LSAMP: variants seen among roughly 807,000 people sequenced by gnomAD.
LSAMP encodes the protein limbic system associated membrane protein.
A neutral mutation model predicts 38.6 loss-of-function variants in LSAMP; 7 were observed. The observed-to-expected ratio is 0.18, with a 90% CI of 0.10 to 0.34. The LOEUF (loss-of-function observed/expected upper bound fraction) is 0.34. Among genes scored for constraint, LSAMP ranks in the 10% least tolerant of loss-of-function variants. LSAMP has a pLI of 1.00. For missense variants in LSAMP, 313 were observed against 420.0 expected (o/e 0.75, Z 2.23); for synonymous variants, 154 against 166.8 (o/e 0.92, Z 0.59).
At chr3:116,212,785 A>G (rs771533029) in intron 1 of LSAMP, among the ~76,000 whole-genome samples, 1 of 152,178 alleles carries the variant, frequency 6.6e-6, no homozygotes, top group Non-Finnish European at 1.5e-5. Flanking sequence ...TTACTTTCAT[A>G]TGTACATAGG....
rs559497556 is a variant in LSAMP at position 116,180,132 on chromosome 3, T to C, written c.156-93576A>G. On this transcript the variant is annotated intron_variant, in intron 1 of 6. Coordinates refer to ENST00000490035, the MANE Select transcript of LSAMP (RefSeq NM_002338.5). ...TTAGTCTCCAGAATGGCAGAGGTAA[T>C]ATGTACAATGAATATATGTCAGGTG... is the stretch of plus-strand genomic sequence containing the variant. Among the ~76,000 whole-genome samples the C allele has an allele frequency of 4.9e-4, 74 of 152,302 alleles. No individual in the cohort carries two copies. The South Asian group carries it at 0.015, about 30-fold the overall frequency.
chr3:115,903,982 C>T (rs1287798098), intron 3 of LSAMP, among the ~76,000 whole-genome samples: 1 of 152,062 alleles, frequency 6.6e-6, no homozygotes, highest in East Asian at 1.9e-4. Flanking sequence ...AGATAAATGA[C>T]ACATTACTGC....
intron 1 of LSAMP, among the ~76,000 whole-genome samples, chr3:116,384,032 T>C (rs2048594160): frequency 6.6e-6 from 1 of 152,108 alleles, no homozygotes; most frequent in African/African-American, 2.4e-5. Context: ...TAAAGGGACT[T>C]TGTTAAACAA....
intron 3 of LSAMP, among the ~76,000 whole-genome samples, chr3:115,908,976 A>G (rs1937076000): frequency 6.6e-6 from 1 of 152,158 alleles, no homozygotes; most frequent in Admixed American, 6.5e-5. Flanking sequence ...TCCCATGATC[A>G]TGTACTTAAA....
chr3:115,949,364 C>G lies in LSAMP; in HGVS notation c.514+70151G>C, dbSNP rs191228919. ...TTGGTTAATCTCACTAATGGTCTAT[C>G]AATTTTGTTTATCTCTTAAAAATAG... On this transcript the variant is annotated intron_variant, in intron 3 of 6. Coordinates refer to ENST00000490035, the MANE Select transcript of LSAMP (RefSeq NM_002338.5). Among the ~76,000 whole-genome samples, 15 of 152,006 alleles carry G rather than the reference C, an allele frequency of 9.9e-5. No homozygotes were observed. In the South Asian group the frequency reaches 1.2e-3, roughly 13 times the overall value.
At chr3:116,413,913 A>AT (rs61576008) in intron 1 of LSAMP, among the ~76,000 whole-genome samples, 1 of 151,256 alleles carries the variant, frequency 6.6e-6, no homozygotes, top group Non-Finnish European at 1.5e-5. Flanking sequence ...AAAAAAAAAA[A>AT]CAAACCAAAA....
intron 1 of LSAMP, among the ~76,000 whole-genome samples, chr3:116,350,479 G>A (rs1184953848): frequency 6.6e-6 from 1 of 152,024 alleles, no homozygotes; most frequent in Non-Finnish European, 1.5e-5. Flanking sequence ...TCTGAGTATG[G>A]TGATAAAATC....
chr3:116,294,089 C>A (rs527803311), intron 1 of LSAMP, among the ~76,000 whole-genome samples: 2 of 151,936 alleles, frequency 1.3e-5, no homozygotes, highest in Non-Finnish European at 2.9e-5. Context: ...TGATGATGAT[C>A]ATCATCACTT....
intron 1 of LSAMP, among the ~76,000 whole-genome samples, chr3:116,430,748 G>T (rs960575860): frequency 6.6e-6 from 1 of 151,888 alleles, no homozygotes; most frequent in African/African-American, 2.4e-5. Context: ...ATCAATGTTT[G>T]CAGAGCTGGT....
intron 1 of LSAMP, among the ~76,000 whole-genome samples, chr3:116,249,459 C>T (rs530157893): frequency 5.3e-5 from 8 of 151,828 alleles, no homozygotes; most frequent in African/African-American, 4.8e-5. Flanking sequence ...AATCTCAGCT[C>T]GCTACAACCT....
intron 1 of LSAMP, among the ~76,000 whole-genome samples, chr3:116,356,832 G>C (rs1480538943): frequency 4.6e-5 from 7 of 151,736 alleles, no homozygotes; most frequent in Non-Finnish European, 8.8e-5. Flanking sequence ...CTCGCTCTGT[G>C]GCCCAGGCTG....
At chr3:116,151,785 T>G (rs1007839031) in intron 1 of LSAMP, among the ~76,000 whole-genome samples, 1 of 151,998 alleles carries the variant, frequency 6.6e-6, no homozygotes, top group Non-Finnish European at 1.5e-5. Context: ...TATAATGCAG[T>G]CCATAGAACC....
chr3:116,337,229 T>A (rs1330133361), intron 1 of LSAMP, among the ~76,000 whole-genome samples: 1 of 151,962 alleles, frequency 6.6e-6, no homozygotes, highest in Non-Finnish European at 1.5e-5. Context: ...TATAAAAAAA[T>A]GTTACAGAGA....
chr3:115,996,134 A>T (rs532551550), intron 3 of LSAMP, among the ~76,000 whole-genome samples: 107 of 152,182 alleles, frequency 7.0e-4, no homozygotes, highest in African/African-American at 2.5e-3. Context: ...ACTGATTAAA[A>T]TTTTTTCCTA....
Position 115,869,269 on chromosome 3 carries a change from G to GGAGAGAGAGAGAGAGAGAGAGAGAGAGA in LSAMP, c.515-16680_515-16653dup, listed in dbSNP as rs35112915. ...CCTTCATAACCTCTATCTTGGAGGG[G>GGAGAGAGAGAGAGAGAGAGAGAGAGAGA]GAGAGAGAGAGAGAGAGAGAGAGAG... On this transcript the variant is annotated intron_variant, in intron 3 of 6. Coordinates refer to ENST00000490035, the MANE Select transcript of LSAMP (RefSeq NM_002338.5). Among the ~76,000 whole-genome samples, 192 of 128,422 alleles carry GGAGAGAGAGAGAGAGAGAGAGAGAGAGA rather than the reference G, an allele frequency of 1.5e-3. 2 individuals are homozygous for GGAGAGAGAGAGAGAGAGAGAGAGAGAGA. The highest frequency in any genetic ancestry group is 2.5e-3 in the Admixed American group (28 of 11,134). The allele number at this position is 128,422 out of a possible 152,430, so 84.2% of individuals were successfully genotyped here.
intron 1 of LSAMP, among the ~76,000 whole-genome samples, chr3:116,159,729 T>C (rs891004161): frequency 6.6e-6 from 1 of 152,254 alleles, no homozygotes; most frequent in Admixed American, 6.5e-5. Flanking sequence ...TTATTGGATA[T>C]ACACATAAAG....
chr3:116,234,772 T>G (rs9811675), intron 1 of LSAMP, among the ~76,000 whole-genome samples: 109,377 of 152,000 alleles, frequency 0.72, 40,848 homozygotes, highest in South Asian at 0.84. Flanking sequence ...TGTTGCTAAT[T>G]GAAACAGCTA....
chr3:115,858,166 A>T (rs28757787), intron 3 of LSAMP, among the ~76,000 whole-genome samples: 28,687 of 143,284 alleles, frequency 0.2, 3,224 homozygotes, highest in East Asian at 0.27. Flanking sequence ...TCTCTCTCTC[A>T]CACACACACA....
At chr3:116,154,303 C>A (rs1013564168) in intron 1 of LSAMP, among the ~76,000 whole-genome samples, 1 of 151,980 alleles carries the variant, frequency 6.6e-6, no homozygotes, top group South Asian at 2.1e-4. Flanking sequence ...ACACTATGTA[C>A]CTTGACTAAC....
Sources: allele counts gnomAD v4.1 joint callset (sites outside exome capture counted in the v4.1 genomes callset), GRCh38; gene constraint gnomAD v4.1.1; transcripts MANE v1.5; gene names NCBI Gene and HGNC (gene_info 2026-07-23, HGNC 2026-07-21).